Variants in NPC1 observed in about 807,000 individuals in gnomAD.
NPC1 encodes the protein Niemann-Pick C1 protein.
Under a neutral mutation model 140.4 loss-of-function variants are expected in NPC1, and 85 were observed. The ratio of observed to expected loss-of-function variants is 0.61; its 90% CI spans 0.51 to 0.72. The LOEUF (loss-of-function observed/expected upper bound fraction) is 0.72. Among genes scored for constraint, NPC1 ranks in the 30% least tolerant of loss-of-function variants. The pLI, the probability that NPC1 is intolerant of heterozygous loss-of-function variation, is 0.00. For synonymous variants in NPC1, 656 were observed against 624.8 expected, an observed-to-expected ratio of 1.05 and a Z score of -0.74; for missense variants, 1,504 against 1,623.8, an observed-to-expected ratio of 0.93 and a Z score of 1.27.
At chr18:23,518,871 CT>C, downstream of NPC1, 4 of 1,610,740 alleles carry the variant, frequency 2.5e-6, no homozygotes, top group Non-Finnish European at 3.4e-6. Context: ...TGATTTATGT[CT>C]GTTTGTTCCC....
At chr18:23,543,730 C>CA (rs1311637325) in intron 13 of NPC1, among the ~76,000 whole-genome samples, 161 bp from the exon 14 acceptor site, 1 of 152,140 alleles carries the variant, frequency 6.6e-6, no homozygotes, top group African/African-American at 2.4e-5. Flanking sequence ...CCAATGTTCT[C>CA]AGAGTATTTC....
At position 23,551,673 on chromosome 18, in the gene NPC1, C is replaced by T. The variant is rs372770463; in HGVS notation, c.1608G>A (p.Thr536=). The T allele has an allele frequency of 7.9e-5, 127 of 1,614,092 alleles. 1 individual carries two copies. The highest frequency in any genetic ancestry group is 9.9e-5 in the South Asian group (9 of 91,092). ...TSLLHDPCLG[T]FGGPVFPWLV... ...GCCACGGGAACACTGGTCCACCAAA[C>T]GTACCCAGACAAGGGTCATGGAGCA... The change falls in exon 10 of 25, where the codon ACG becomes ACA. Residue 536 remains threonine, a synonymous_variant. Transcript: ENST00000269228.
chr18:23,563,987 G>GTTT lies in NPC1; in HGVS notation c.464-2463_464-2461dup, dbSNP rs71163619. 3.5e-3 allele frequency among the ~76,000 whole-genome samples: 355 copies of GTTT among 102,572 alleles called. 34 individuals carry two copies. Among genetic ancestry groups the GTTT allele is most frequent in the African/African-American group, 0.011 (281 of 24,604 alleles). 67.3% of individuals were successfully genotyped at this position (102,572 alleles called of 152,430 possible). On this transcript the variant is annotated intron_variant, in intron 4 of 24. Coordinates refer to ENST00000269228, the MANE Select transcript of NPC1 (RefSeq NM_000271.5). ...ATTTATTTATCATTGAGTAGTAAGA[G>GTTT]TTTTTTTTTTTTTTTTTTGGAGATG...
intron 3 of NPC1, among the ~76,000 whole-genome samples, chr18:23,513,306 C>T (rs1220852039): frequency 6.6e-6 from 1 of 152,150 alleles, no homozygotes; most frequent in Non-Finnish European, 1.5e-5. Flanking sequence ...AGTATTTGTC[C>T]CTTTGTGACT....
Position 23,532,175 on chromosome 18 carries a change from G to A in NPC1, c.*27C>T. On this transcript the variant is annotated 3_prime_UTR_variant, in exon 25 of 25. Transcript: ENST00000269228. ...GTAAACCGACCGACCCTTAGACACA[G>A]TTCAGTCAGGATGCCCTGCGAGAGG... is the stretch of plus-strand genomic sequence containing the variant. 1 of 1,614,120 alleles carries A rather than the reference G, an allele frequency of 6.2e-7. No individual in the cohort carries two copies. The highest frequency in any genetic ancestry group is 8.5e-7 in the Non-Finnish European group (1 of 1,180,042).
chr18:23,556,425 A>C lies in NPC1; in HGVS notation c.1144T>G (p.Ser382Ala), dbSNP rs1171824113. ...AGGCGAGCCTGGCTGCTGGGGGCTG[A>C]CCAGAGGTCAACTGGATTGGTTGTG... ...RVTTNPVDLW[S>A]APSSQARLEK... The change falls in exon 8 of 25, where the codon TCA becomes GCA. Residue 382 changes from serine to alanine, a missense_variant. Transcript: ENST00000269228. 3.1e-6 allele frequency: 5 copies of C among 1,614,014 alleles called. No individual in the cohort carries two copies. Among genetic ancestry groups the C allele is most frequent in the Non-Finnish European group, 4.2e-6 (5 of 1,180,026 alleles).
intron 23 of NPC1, 57 bp downstream of exon 23, chr18:23,534,389 G>A (rs2145342250): frequency 2.6e-6 from 3 of 1,159,682 alleles, no homozygotes; most frequent in Non-Finnish European, 3.9e-6. Context: ...TTCAGTCACT[G>A]AGGAGGATTA....
At chr18:23,527,731 T>G, downstream of NPC1, 2 of 1,283,500 alleles carry the variant, frequency 1.6e-6, 1 homozygote, top group South Asian at 2.4e-5. Flanking sequence ...CATAGCAACG[T>G]GTGGAAATTC....
At chr18:23,570,383 T>G (rs1488362163) in intron 3 of NPC1, among the ~76,000 whole-genome samples, 3 of 152,236 alleles carry the variant, frequency 2.0e-5, no homozygotes, top group Non-Finnish European at 4.4e-5. Context: ...CCTAAATAAA[T>G]GTGTTTTGAC....
intron 9 of NPC1, among the ~76,000 whole-genome samples, chr18:23,553,083 G>A (rs1413286545): frequency 1.3e-5 from 2 of 152,284 alleles, no homozygotes; most frequent in African/African-American, 4.8e-5. Flanking sequence ...ATGAGGACGC[G>A]CACAAGCATA....
downstream of NPC1, chr18:23,519,139 G>T: frequency 6.2e-7 from 1 of 1,614,176 alleles, no homozygotes; most frequent in Non-Finnish European, 8.5e-7. Context: ...GAACGTGGTG[G>T]ACAACCTGGT....
intron 20 of NPC1, among the ~76,000 whole-genome samples, chr18:23,538,064 GGAGT>G (rs1022521343): frequency 6.6e-6 from 1 of 152,150 alleles, no homozygotes; most frequent in African/African-American, 2.4e-5. Flanking sequence ...GCTGGATGGG[GGAGT>G]GAGATAGCCC....
intron 13 of NPC1, 37 bp downstream of exon 13, chr18:23,544,307 A>C: frequency 6.2e-7 from 1 of 1,603,828 alleles, no homozygotes; most frequent in Non-Finnish European, 8.5e-7. Flanking sequence ...CTGAAACTTG[A>C]ACAGATGCTG....
intron 11 of NPC1, among the ~76,000 whole-genome samples, chr18:23,546,248 C>CAAAAA (rs60021403): frequency 1.2e-3 from 53 of 45,582 alleles, no homozygotes; most frequent in African/African-American, 2.3e-3. Context: ...GACTCTGTCT[C>CAAAAA]AAAAAAAAAA....
chr18:23,534,622 C>T (rs899539923), intron 22 of NPC1, 63 bp from the exon 23 acceptor site: 15 of 1,321,346 alleles, frequency 1.1e-5, no homozygotes, highest in South Asian at 2.5e-5. Context: ...GCAGCCACCC[C>T]GTTCTGAGGA....
chr18:23,541,281 G>A (rs370996413), intron 15 of NPC1, 25 bp downstream of exon 15: 23 of 1,614,072 alleles, frequency 1.4e-5, no homozygotes, highest in Non-Finnish European at 1.9e-5. Flanking sequence ...AAATTAAATA[G>A]ACTATAATCC....
intron 17 of NPC1, among the ~76,000 whole-genome samples, chr18:23,540,212 T>A (rs989058860): frequency 6.6e-6 from 1 of 152,144 alleles, no homozygotes; most frequent in Non-Finnish European, 1.5e-5. Context: ...TCTCATAAAG[T>A]AACCTCATAA....
In NPC1 at chr18:23,561,543, C is replaced by T. The variant is rs775634956; in HGVS notation, c.464-16G>A. ...TTGTACATTGCTAGAAGAGGAAACCCAAAGGAAAAAGGAGACAAGATGCTT... is the reference window on the plus strand; with the variant it reads ...TTGTACATTGCTAGAAGAGGAAACCTAAAGGAAAAAGGAGACAAGATGCTT... On this transcript the variant is annotated splice_polypyrimidine_tract_variant and intron_variant, in intron 4 of 24. Transcript: ENST00000269228. 2 of 1,613,068 alleles carry T rather than the reference C, an allele frequency of 1.2e-6. No homozygotes were observed. The highest frequency in any genetic ancestry group is 1.7e-6 in the Non-Finnish European group (2 of 1,179,740).
Position 23,544,952 on chromosome 18 carries a change from C to CCCCA in NPC1, c.1947+7_1947+8insTGGG. 2 of 1,430,730 alleles carry CCCCA rather than the reference C, an allele frequency of 1.4e-6. No individual in the cohort carries two copies. Among genetic ancestry groups the CCCCA allele is most frequent in the East Asian group, 2.5e-5 (1 of 40,062 alleles). 88.6% of individuals were successfully genotyped at this position (1,430,730 alleles called of 1,614,324 possible). On this transcript the variant is annotated splice_region_variant and intron_variant, in intron 12 of 24. Coordinates refer to ENST00000269228, the MANE Select transcript of NPC1 (RefSeq NM_000271.5). ...CTCTAGAACATACACCACCCCCCCC[C>CCCCA]GGCTTACCAGAAGCCTGCGACAGCT...
Sources: gnomAD v4.1 joint callset for allele counts (sites outside exome capture counted in the v4.1 genomes callset) on GRCh38, gnomAD v4.1.1 for gene constraint, MANE v1.5 for transcripts, NCBI Gene and HGNC (gene_info 2026-07-23, HGNC 2026-07-21) for gene names.